The following ST8SIA4 variants were observed in gnomAD, a reference collection of about 807,000 sequenced individuals.
ST8SIA4 encodes the protein CMP-N-acetylneuraminate-poly-alpha-2,8-sialyltransferase.
In ST8SIA4, 15 loss-of-function variants were observed where a neutral mutation model predicts 33.9. The ratio of observed to expected loss-of-function variants is 0.44; its 90% CI spans 0.30 to 0.68. The LOEUF (loss-of-function observed/expected upper bound fraction) is 0.68. Among genes scored for constraint, ST8SIA4 ranks in the 30% least tolerant of loss-of-function variants. The pLI is 0.10. For missense variants in ST8SIA4, 321 were observed against 428.0 expected (o/e 0.75, Z 2.21); for synonymous variants, 171 against 151.2 (o/e 1.13, Z -0.96).
intron 4 of ST8SIA4, among the ~76,000 whole-genome samples, chr5:100,852,546 C>G (rs73775452): frequency 0.013 from 2,032 of 152,136 alleles, 37 homozygotes; most frequent in African/African-American, 0.047. Context: ...CAATTTTATG[C>G]TTTCATACAT....
At chr5:100,860,817 A>G (rs1396751901) in intron 3 of ST8SIA4, among the ~76,000 whole-genome samples, 2 of 152,202 alleles carry the variant, frequency 1.3e-5, no homozygotes, top group Non-Finnish European at 2.9e-5. Context: ...TTCCTATAGA[A>G]CAAAGAGTGT....
intron 1 of ST8SIA4, among the ~76,000 whole-genome samples, chr5:100,902,627 C>G (rs1164899172): frequency 6.6e-6 from 1 of 152,166 alleles, no homozygotes; most frequent in East Asian, 1.9e-4. Context: ...ACAACTGTCA[C>G]CACAACCACA....
chr5:100,871,478 CCTAT>C (rs1030269345), intron 3 of ST8SIA4, among the ~76,000 whole-genome samples: 4 of 152,044 alleles, frequency 2.6e-5, no homozygotes, highest in Non-Finnish European at 4.4e-5. Flanking sequence ...TGTAGACACT[CCTAT>C]CTGAGTGATA....
chr5:100,830,862 T>G (rs1751243658), intron 4 of ST8SIA4, among the ~76,000 whole-genome samples: 2 of 152,332 alleles, frequency 1.3e-5, no homozygotes, highest in South Asian at 4.1e-4. Context: ...CTACAGGAGA[T>G]TCAGTAATCA....
intron 2 of ST8SIA4, chr5:100,890,426 C>A (rs932698961): frequency 6.6e-6 from 1 of 151,766 alleles, no homozygotes; most frequent in African/African-American, 2.4e-5. Context: ...GCTAAGAAGA[C>A]AATTGATAGA....
At chr5:100,849,146 T>C (rs1751631988) in intron 4 of ST8SIA4, 1 of 982,426 alleles carries the variant, frequency 1.0e-6, no homozygotes, top group Admixed American at 6.2e-5. Context: ...TTCCTGAGGA[T>C]GTTTAATTAA....
At chr5:100,896,635 A>C (rs1752786025) in intron 1 of ST8SIA4, among the ~76,000 whole-genome samples, 1 of 152,154 alleles carries the variant, frequency 6.6e-6, no homozygotes, top group Admixed American at 6.5e-5. Flanking sequence ...AATTAGCCTG[A>C]TCTTATCATT....
In ST8SIA4 at chr5:100,817,003, C is replaced by A. The variant is rs542366828; in HGVS notation, c.798-4874G>T. On this transcript the variant is annotated intron_variant, in intron 4 of 4. Transcript: ENST00000231461. The stretch of plus-strand genomic sequence containing the variant: ...TGTCACCCAGGCTGGAGTGCAATGG[C>A]GCAATCTTGGCTCACTGCAATCTCT... 1.3e-4 allele frequency among the ~76,000 whole-genome samples: 20 copies of A among 149,698 alleles called. No individual in the cohort carries two copies. The South Asian group carries it at 3.4e-3, about 25-fold the overall frequency.
At chr5:100,821,121 G>A (rs1751023341) in intron 4 of ST8SIA4, among the ~76,000 whole-genome samples, 1 of 152,072 alleles carries the variant, frequency 6.6e-6, no homozygotes, top group Non-Finnish European at 1.5e-5. Flanking sequence ...TAACATTTAA[G>A]TGCTCTTATG....
intron 4 of ST8SIA4, among the ~76,000 whole-genome samples, chr5:100,819,165 G>A (rs1000113324): frequency 6.6e-6 from 1 of 152,160 alleles, no homozygotes; most frequent in African/African-American, 2.4e-5. Flanking sequence ...GGATGCAGTT[G>A]TGGCTCAAGA....
At chr5:100,831,273 C>G (rs1345638154) in intron 4 of ST8SIA4, among the ~76,000 whole-genome samples, 1 of 152,150 alleles carries the variant, frequency 6.6e-6, no homozygotes, top group Admixed American at 6.5e-5. Context: ...ATAGTCCTTA[C>G]CCTGGGGTGA....
chr5:100,865,738 TC>T (rs1473568618), intron 3 of ST8SIA4, among the ~76,000 whole-genome samples: 1 of 152,106 alleles, frequency 6.6e-6, no homozygotes, highest in Non-Finnish European at 1.5e-5. Flanking sequence ...CCTATTGTAT[TC>T]CCCATATCTT....
chr5:100,899,830 A>T (rs907186249), intron 1 of ST8SIA4, among the ~76,000 whole-genome samples: 1 of 152,236 alleles, frequency 6.6e-6, no homozygotes, highest in African/African-American at 2.4e-5. Flanking sequence ...CTAAGAAAGT[A>T]AAGTTAGTCA....
intron 4 of ST8SIA4, among the ~76,000 whole-genome samples, chr5:100,822,228 C>T (rs967646277): frequency 6.6e-6 from 1 of 152,184 alleles, no homozygotes; most frequent in African/African-American, 2.4e-5. Flanking sequence ...TTCAAACCAT[C>T]GCTAATTTTC....
intron 3 of ST8SIA4, among the ~76,000 whole-genome samples, chr5:100,882,299 G>T (rs61503123): frequency 1.1e-3 from 175 of 152,284 alleles, no homozygotes; most frequent in African/African-American, 4.0e-3. Context: ...GTGGCATTTT[G>T]CCCCTGCCCT....
rs146213765 is a variant in ST8SIA4, at chr5:100,812,200, A to G, written c.798-71T>C. 47 of 1,312,818 alleles carry G rather than the reference A, an allele frequency of 3.6e-5. No homozygotes were observed. The East Asian group carries it at 1.1e-3, about 30-fold the overall frequency. The allele number at this position is 1,312,818 out of a possible 1,614,324, so 81.3% of individuals were successfully genotyped here. The stretch of plus-strand genomic sequence containing the variant: ...ACATAGAGCATATCCTATAGCAAGT[A>G]TATAATGCAGAAAACTTAAAAGGTA... On this transcript the variant is annotated intron_variant, in intron 4 of 4. Coordinates refer to ENST00000231461, the MANE Select transcript of ST8SIA4 (RefSeq NM_005668.6).
intron 2 of ST8SIA4, among the ~76,000 whole-genome samples, chr5:100,888,722 G>A (rs1325094413): frequency 1.3e-5 from 2 of 151,806 alleles, no homozygotes; most frequent in Non-Finnish European, 2.9e-5. Flanking sequence ...AGCATGATTA[G>A]CAAAGAAGGG....
Position 100,819,485 on chromosome 5 carries a change from G to T in ST8SIA4, c.798-7356C>A, listed in dbSNP as rs183189737. Among the ~76,000 whole-genome samples the T allele has an allele frequency of 3.9e-5, 6 of 152,198 alleles. 1 individual carries two copies. The highest frequency in any genetic ancestry group is 2.0e-4 in the Admixed American group (3 of 15,274). ...GGCATAAATTGAACACTCAAAAAAA[G>T]GTAAATATTACCATCATGGCTGATT... On this transcript the variant is annotated intron_variant, in intron 4 of 4. Transcript: ENST00000231461.
intron 3 of ST8SIA4, 159 bp downstream of exon 3, chr5:100,886,184 C>T (rs1258806229): frequency 7.0e-7 from 1 of 1,423,720 alleles, no homozygotes. Context: ...ATATTCTATT[C>T]CAGGGTAAAT....
Sources: gnomAD v4.1 joint callset for allele counts (sites outside exome capture counted in the v4.1 genomes callset) on GRCh38, gnomAD v4.1.1 for gene constraint, MANE v1.5 for transcripts, NCBI Gene and HGNC (gene_info 2026-07-23, HGNC 2026-07-21) for gene names.